The following CALD1 variants were observed in gnomAD, a reference collection of about 807,000 sequenced individuals.
The protein encoded by CALD1 is caldesmon.
CALD1 carries 33 observed loss-of-function variants against 99.9 expected under a neutral mutation model. That is an observed-to-expected ratio of 0.33 (90% CI 0.25 to 0.44). The LOEUF (loss-of-function observed/expected upper bound fraction) is 0.44. CALD1 is among the 20% of genes least tolerant of loss of function. CALD1 has a pLI of 1.00. For missense variants in CALD1, 861 were observed against 962.1 expected (o/e 0.89, Z 1.39); for synonymous variants, 310 against 325.0 (o/e 0.95, Z 0.50).
At chr7:134,790,940 T>C (rs1797504292) in intron 1 of CALD1, among the ~76,000 whole-genome samples, 1 of 152,178 alleles carries the variant, frequency 6.6e-6, no homozygotes, top group Non-Finnish European at 1.5e-5. Context: ...ATCCAAAAGG[T>C]ATTCAAAAGG....
At chr7:134,785,199 A>G (rs905859516) in intron 1 of CALD1, among the ~76,000 whole-genome samples, 3 of 152,240 alleles carry the variant, frequency 2.0e-5, no homozygotes, top group African/African-American at 7.2e-5. Flanking sequence ...ATGAATGATC[A>G]CACAGTTCTT....
intron 1 of CALD1, among the ~76,000 whole-genome samples, chr7:134,757,896 A>G (rs1796743321): frequency 6.6e-6 from 1 of 152,074 alleles, no homozygotes; most frequent in South Asian, 2.1e-4. Context: ...AAAAATAAAA[A>G]AAAAAAGGAG....
At position 134,783,703 on chromosome 7, in the gene CALD1, T is replaced by C. The variant is rs1461053821; in HGVS notation, c.-130+3954T>C. On this transcript the variant is annotated intron_variant, in intron 1 of 14. Coordinates refer to ENST00000361675, the MANE Select transcript of CALD1 (RefSeq NM_033138.4). The surrounding 1 kb of genome is among the most constrained non-coding windows in gnomAD (Gnocchi z 4.3). ...TTAAGGTCCCTTTGTAAACCCACGCTTCATGATTGACAGGTAAGAGACCTT... is the reference window on the plus strand; with the variant it reads ...TTAAGGTCCCTTTGTAAACCCACGCCTCATGATTGACAGGTAAGAGACCTT... 6.6e-6 allele frequency among the ~76,000 whole-genome samples: 1 copy of C among 152,180 alleles called. No homozygotes were observed. Among genetic ancestry groups the C allele is most frequent in the Non-Finnish European group, 1.5e-5 (1 of 68,038 alleles).
intron 3 of CALD1, among the ~76,000 whole-genome samples, chr7:134,872,502 A>C (rs1563058605): frequency 1.3e-5 from 2 of 152,278 alleles, no homozygotes; most frequent in Middle Eastern, 3.4e-3. Flanking sequence ...AGATTTGGCA[A>C]AAAGGAAGGA....
Position 134,826,600 on chromosome 7 carries a change from C to T in CALD1, c.-129-17284C>T, listed in dbSNP as rs1799006154. ...GGTCTTTTACCACGAACACTGTTGCCTGAATTCCCTAAACTATCATGATAA... is the reference window on the plus strand; with the variant it reads ...GGTCTTTTACCACGAACACTGTTGCTTGAATTCCCTAAACTATCATGATAA... On this transcript the variant is annotated intron_variant, in intron 1 of 14. Transcript: ENST00000361675. 2.0e-5 allele frequency among the ~76,000 whole-genome samples: 3 copies of T among 152,060 alleles called. 1 individual carries two copies. The South Asian group carries it at 6.2e-4, about 32-fold the overall frequency.
At chr7:134,861,699 G>T (rs1800571232) in intron 2 of CALD1, among the ~76,000 whole-genome samples, 1 of 152,214 alleles carries the variant, frequency 6.6e-6, no homozygotes, top group Non-Finnish European at 1.5e-5. Flanking sequence ...AATATTTATT[G>T]TATATTGATT....
intron 3 of CALD1, among the ~76,000 whole-genome samples, chr7:134,887,612 G>A (rs1167254540): frequency 4.0e-5 from 6 of 151,544 alleles, no homozygotes; most frequent in Middle Eastern, 3.2e-3. Flanking sequence ...GCATGCATGC[G>A]TGTATATGTG....
At chr7:134,796,638 T>G (rs757667755) in intron 1 of CALD1, among the ~76,000 whole-genome samples, 126 of 152,060 alleles carry the variant, frequency 8.3e-4, no homozygotes, top group Non-Finnish European at 1.5e-3. Flanking sequence ...CAGGCTGGAG[T>G]GCAGTGGTGC....
chr7:134,966,252 G>A (rs1312579284), intron 14 of CALD1, among the ~76,000 whole-genome samples: 1 of 152,206 alleles, frequency 6.6e-6, no homozygotes, highest in African/African-American at 2.4e-5. Flanking sequence ...TCACTGCAGT[G>A]AGAGAATTAC....
rs3062411 is a variant in CALD1 at position 134,803,696 on chromosome 7, ATTTTTTT to A, written c.-130+23960_-130+23966del. On this transcript the variant is annotated intron_variant, in intron 1 of 14. Transcript: ENST00000361675. ...CATCTCCTGCATAGGTGTGGGTCTAATTTTTTTTTTTTTTTTTTTGAGACAGTCTCAC... is the reference window on the plus strand; with the variant it reads ...CATCTCCTGCATAGGTGTGGGTCTAATTTTTTTTTTTTGAGACAGTCTCAC... Among the ~76,000 whole-genome samples the A allele has an allele frequency of 2.4e-5, 3 of 123,038 alleles. No homozygotes were observed. The South Asian group carries it at 8.1e-4, about 33-fold the overall frequency. The allele number at this position is 123,038 out of a possible 152,430, so 80.7% of individuals were successfully genotyped here.
intron 1 of CALD1, among the ~76,000 whole-genome samples, chr7:134,753,330 T>TA (rs1158403575): frequency 2.6e-5 from 4 of 152,002 alleles, no homozygotes; most frequent in Admixed American, 6.6e-5. Context: ...TCTCATCTGC[T>TA]AAAAAAAATC....
chr7:134,915,093 C>T (rs1743516185), intron 3 of CALD1, among the ~76,000 whole-genome samples: 1 of 152,220 alleles, frequency 6.6e-6, no homozygotes, highest in Admixed American at 6.5e-5. Context: ...CATCCCACAA[C>T]CGCAAGTTCA....
At chr7:134,814,211 G>A (rs958069019) in intron 1 of CALD1, among the ~76,000 whole-genome samples, 4 of 152,144 alleles carry the variant, frequency 2.6e-5, no homozygotes, top group Admixed American at 6.6e-5. Context: ...GGAAGCTGTC[G>A]GAAGAGCTAT....
In CALD1 at chr7:134,892,187, A is replaced by C. The variant is rs187373667; in HGVS notation, c.71+24383A>C. Among the ~76,000 whole-genome samples the C allele has an allele frequency of 8.5e-5, 13 of 152,348 alleles. No individual in the cohort carries two copies. The East Asian group carries it at 2.3e-3, about 27-fold the overall frequency. On this transcript the variant is annotated intron_variant, in intron 3 of 14. Transcript: ENST00000361675. ...TGCTATTGATCAGGGAATTGTTCAG[A>C]TAACGGACTCCAAGGGTTTAGGATC...
At chr7:134,786,702 T>C (rs1473135681) in intron 1 of CALD1, among the ~76,000 whole-genome samples, 1 of 152,186 alleles carries the variant, frequency 6.6e-6, no homozygotes, top group East Asian at 1.9e-4. Flanking sequence ...AGTCATCCAG[T>C]TAATTAGTGG....
chr7:134,791,270 C>T (rs1585943257), intron 1 of CALD1, among the ~76,000 whole-genome samples: 1 of 152,232 alleles, frequency 6.6e-6, no homozygotes, highest in East Asian at 1.9e-4. Context: ...GATCTCGGCT[C>T]ACTGCAACCT....
chr7:134,860,448 T>C (rs547415163), intron 2 of CALD1, among the ~76,000 whole-genome samples: 1 of 152,310 alleles, frequency 6.6e-6, no homozygotes, highest in South Asian at 2.1e-4. Flanking sequence ...TCATACATAG[T>C]CAATTACCAA....
chr7:134,717,496 C>T, the CALD1 span, among the ~76,000 whole-genome samples: 3 of 152,168 alleles, frequency 2.0e-5, no homozygotes, highest in African/African-American at 7.2e-5. Context: ...CTAAATGTAC[C>T]TGCTTTGATC....
chr7:134,961,854 T>A (rs1808288888), intron 13 of CALD1: 1 of 152,144 alleles, frequency 6.6e-6, no homozygotes, highest in South Asian at 2.1e-4. Flanking sequence ...GCATCTCTGG[T>A]AACATAAGGA....
Sources: gnomAD v4.1 joint callset for allele counts (sites outside exome capture counted in the v4.1 genomes callset) on GRCh38, gnomAD v4.1.1 for gene constraint, Gnocchi (gnomAD v3.1) non-coding constraint, MANE v1.5 for transcripts, NCBI Gene and HGNC (gene_info 2026-07-23, HGNC 2026-07-21) for gene names.